The following ABCC1 variants were observed in gnomAD, a reference collection of about 807,000 sequenced individuals.
ABCC1 encodes the protein ATP binding cassette subfamily C member 1 (ABCC1 blood group), also known as multidrug resistance-associated protein 1.
In ABCC1, 83 loss-of-function variants were observed where a neutral mutation model predicts 172.9. That is an observed-to-expected ratio of 0.48 (90% CI 0.40 to 0.58). The LOEUF is 0.58. ABCC1 is among the 20% of genes least tolerant of loss of function. The probability of loss-of-function intolerance (pLI) is 0.00; values close to 1 mark genes in which losing one functional copy is unlikely to be tolerated. For missense variants in ABCC1, 1,817 were observed against 2,002.7 expected, an observed-to-expected ratio of 0.91 and a Z score of 1.77; for synonymous variants, 937 against 825.2, an observed-to-expected ratio of 1.14 and a Z score of -2.32.
At chr16:15,984,448 C>CTTTTTT (rs1555475245) in intron 1 of ABCC1, among the ~76,000 whole-genome samples, 1 of 146,950 alleles carries the variant, frequency 6.8e-6, no homozygotes, top group Non-Finnish European at 1.5e-5. Flanking sequence ...TTGATATATA[C>CTTTTTT]TTTTTTTTTT....
intron 12 of ABCC1, among the ~76,000 whole-genome samples, chr16:16,066,599 G>C (rs549458729): frequency 1.3e-5 from 2 of 151,826 alleles, no homozygotes; most frequent in Non-Finnish European, 2.9e-5. Context: ...AGACCCTTTC[G>C]AGTAAAGAAT....
chr16:16,132,920 A>G (rs1029615176), intron 27 of ABCC1, among the ~76,000 whole-genome samples: 2 of 152,134 alleles, frequency 1.3e-5, no homozygotes, highest in Admixed American at 6.6e-5. Context: ...ACATCTGGCA[A>G]CATCAGGTCA....
rs2046147888 is a variant in ABCC1 at position 16,142,159 on chromosome 16, T to C, written c.*878T>C. 1 of 150,652 alleles carries C rather than the reference T, an allele frequency of 6.6e-6. No individual in the cohort carries two copies. The highest frequency in any genetic ancestry group is 2.1e-4 in the South Asian group (1 of 4,678). 9.3% of individuals were successfully genotyped at this position (150,652 alleles called of 1,614,324 possible). Reference sequence around the variant, plus strand: ...GCTGTTATTACTGTTCCCACCATGATTGATGTGGGGTAAATATTAAGGAGA... The same window carrying C: ...GCTGTTATTACTGTTCCCACCATGACTGATGTGGGGTAAATATTAAGGAGA... On this transcript the variant is annotated 3_prime_UTR_variant, in exon 31 of 31. Transcript: ENST00000399410.
At position 16,048,304 on chromosome 16, in the gene ABCC1, G is replaced by A. The variant is rs2151890761; in HGVS notation, c.1380+1G>A. 1 of 1,614,054 alleles carries A rather than the reference G, an allele frequency of 6.2e-7. No homozygotes were observed. The highest frequency in any genetic ancestry group is 2.2e-5 in the East Asian group (1 of 44,882). The stretch of plus-strand genomic sequence containing the variant: ...CCTTGCTCTCTACCTCCTGTGGCTG[G>A]TGTGTGTTTAACGCCGTTTCCCTTT... On this transcript the variant is annotated splice_donor_variant, in intron 10 of 30. Coordinates refer to ENST00000399410, the MANE Select transcript of ABCC1 (RefSeq NM_004996.4). LOFTEE classifies it high-confidence loss of function.
At chr16:16,096,349 T>G (rs1399378136) in intron 19 of ABCC1, among the ~76,000 whole-genome samples, 1 of 152,196 alleles carries the variant, frequency 6.6e-6, no homozygotes, top group African/African-American at 2.4e-5. Context: ...TTCCTAGGCC[T>G]TCTCCCTTGA....
At position 16,125,882 on chromosome 16, in the gene ABCC1, C is replaced by T. The variant is rs868652045; in HGVS notation, c.3790C>T (p.Leu1264Phe). Residue 1264 changes from leucine (L) to phenylalanine (F), a missense_variant, in exon 26 of 31, where the codon CTC becomes TTC. Around this residue, in one of 3 missense-constraint regions of ABCC1, gnomAD observed 1,412 missense variants for 1,600.3 expected, o/e 0.88. Coordinates refer to ENST00000399410, the MANE Select transcript of ABCC1 (RefSeq NM_004996.4). ...AACCAACATCGTGGCCGTGGAGAGG[C>T]TCAAGGAGTATTCAGAGACTGAGAA... ...METNIVAVER[L>F]KEYSETEKEA... 8.1e-6 allele frequency: 13 copies of T among 1,614,058 alleles called. No individual in the cohort carries two copies. Among genetic ancestry groups the T allele is most frequent in the Non-Finnish European group, 1.1e-5 (13 of 1,179,992 alleles).
At chr16:15,990,523 C>T (rs1030483145) in intron 1 of ABCC1, among the ~76,000 whole-genome samples, 5 of 152,152 alleles carry the variant, frequency 3.3e-5, no homozygotes, top group Non-Finnish European at 5.9e-5. Context: ...TTCTCTGCTT[C>T]TATGAGTTTG....
At chr16:15,999,809 C>CTCTCTCTCTCTCTCTCCCCT (rs374395529) in intron 1 of ABCC1, among the ~76,000 whole-genome samples, 1 of 8,360 alleles carries the variant, frequency 1.2e-4, no homozygotes, top group East Asian at 2.6e-3. Flanking sequence ...CTCTCTCTCT[C>CTCTCTCTCTCTCTCTCCCCT]CTCTCTCTCT....
intron 28 of ABCC1, 52 bp downstream of exon 28, chr16:16,134,560 A>G (rs1302403359): frequency 5.9e-6 from 9 of 1,521,074 alleles, no homozygotes; most frequent in Non-Finnish European, 8.0e-6. Flanking sequence ...AAGCCCTATG[A>G]TTGCACTGAC....
chr16:15,980,389 T>G (rs1294357619), intron 1 of ABCC1, among the ~76,000 whole-genome samples: 1 of 152,064 alleles, frequency 6.6e-6, no homozygotes, highest in African/African-American at 2.4e-5. Flanking sequence ...ACTAGGTAGT[T>G]TATAAGGGAA....
At chr16:15,971,195 AG>A (rs1242209576) in intron 1 of ABCC1, among the ~76,000 whole-genome samples, 1 of 152,204 alleles carries the variant, frequency 6.6e-6, no homozygotes, top group Non-Finnish European at 1.5e-5. Context: ...CATAGGCCTC[AG>A]GGGATTGGTT....
intron 20 of ABCC1, among the ~76,000 whole-genome samples, chr16:16,105,018 C>G (rs2052010689): frequency 6.6e-6 from 1 of 152,144 alleles, no homozygotes; most frequent in African/African-American, 2.4e-5. Flanking sequence ...CCCTCCACAC[C>G]TCCCCGCAAG....
At chr16:15,988,375 A>C (rs215076) in intron 1 of ABCC1, among the ~76,000 whole-genome samples, 19,842 of 152,028 alleles carry the variant, frequency 0.13, 2,170 homozygotes, top group African/African-American at 0.3. Context: ...CCTATTGTTC[A>C]CTGCTGGGCC....
At chr16:16,023,808 T>A (rs531607861) in intron 5 of ABCC1, among the ~76,000 whole-genome samples, 2 of 152,200 alleles carry the variant, frequency 1.3e-5, no homozygotes, top group Non-Finnish European at 2.9e-5. Flanking sequence ...AATGCGAGGC[T>A]CTGGCCAGGT....
intron 19 of ABCC1, among the ~76,000 whole-genome samples, chr16:16,093,632 C>T (rs909386292): frequency 1.3e-5 from 2 of 152,180 alleles, no homozygotes; most frequent in Admixed American, 6.6e-5. Flanking sequence ...CACCACCCAC[C>T]CTTTTCCATT....
At chr16:16,083,961 A>G (rs2050908586) in intron 17 of ABCC1, among the ~76,000 whole-genome samples, 1 of 152,166 alleles carries the variant, frequency 6.6e-6, no homozygotes, top group South Asian at 2.1e-4. Flanking sequence ...GCAGAGTCAC[A>G]TGACAGAGGG....
intron 1 of ABCC1, among the ~76,000 whole-genome samples, chr16:16,006,649 C>T (rs1343440659): frequency 6.6e-6 from 1 of 151,656 alleles, no homozygotes; most frequent in Non-Finnish European, 1.5e-5. Context: ...ACTTGAACAA[C>T]ATTGCCCGAG....
intron 12 of ABCC1, among the ~76,000 whole-genome samples, chr16:16,062,165 T>C (rs1269445563): frequency 6.6e-6 from 1 of 152,152 alleles, no homozygotes; most frequent in Admixed American, 6.6e-5. Context: ...GTGTCCCGCT[T>C]AGGAGGGGAT....
intron 19 of ABCC1, among the ~76,000 whole-genome samples, chr16:16,096,799 A>G (rs1382730934): frequency 1.3e-5 from 2 of 152,148 alleles, no homozygotes; most frequent in African/African-American, 4.8e-5. Flanking sequence ...GGCAGCACTT[A>G]ACGTACGTGG....
Sources: gnomAD v4.1 joint callset for allele counts (sites outside exome capture counted in the v4.1 genomes callset) on GRCh38, gnomAD v4.1.1 for gene constraint, gnomAD v4.1.1 regional missense constraint, MANE v1.5 for transcripts, NCBI Gene and HGNC (gene_info 2026-07-23, HGNC 2026-07-21) for gene names.